The following IMMP2L variants were observed in gnomAD, a reference collection of about 807,000 sequenced individuals.
IMMP2L encodes inner mitochondrial membrane peptidase subunit 2.
IMMP2L carries 18 observed loss-of-function variants against 19.3 expected under a neutral mutation model. The ratio of observed to expected loss-of-function variants is 0.93; its 90% CI spans 0.64 to 1.38. The LOEUF is 1.38. IMMP2L is among the 40% of genes most tolerant of loss of function. The pLI, the probability that IMMP2L is intolerant of heterozygous loss-of-function variation, is 0.00. For synonymous variants in IMMP2L, 76 were observed against 73.0 expected (o/e 1.04, Z -0.21); for missense variants, 233 against 218.2 (o/e 1.07, Z -0.43).
intron 5 of IMMP2L, among the ~76,000 whole-genome samples, chr7:110,745,861 A>G (rs922189152): frequency 1.3e-5 from 2 of 152,204 alleles, no homozygotes; most frequent in African/African-American, 4.8e-5. Context: ...CAAAATAACC[A>G]GCTAGCATCA....
chr7:110,927,189 G>GTC (rs1037281630), intron 4 of IMMP2L, among the ~76,000 whole-genome samples: 23 of 150,220 alleles, frequency 1.5e-4, no homozygotes, highest in Non-Finnish European at 3.1e-4. Context: ...CTGTCTCTTT[G>GTC]TCTCTCTCTC....
chr7:110,680,751 C>T (rs1271324090), intron 5 of IMMP2L, among the ~76,000 whole-genome samples: 1 of 152,144 alleles, frequency 6.6e-6, no homozygotes, highest in African/African-American at 2.4e-5. Flanking sequence ...TTTCTCCACT[C>T]CCAGCAGCTA....
chr7:110,777,612 T>C (rs980552643), intron 5 of IMMP2L, among the ~76,000 whole-genome samples: 5 of 152,018 alleles, frequency 3.3e-5, no homozygotes, highest in African/African-American at 1.2e-4. Flanking sequence ...TTCTAGAATG[T>C]CTTATGTTAT....
At chr7:111,039,545 G>A (rs534134709) in intron 3 of IMMP2L, among the ~76,000 whole-genome samples, 5 of 152,200 alleles carry the variant, frequency 3.3e-5, no homozygotes, top group South Asian at 4.1e-4. Flanking sequence ...TATAGATAGC[G>A]CAATTCAAAA....
At chr7:110,937,275 G>C (rs1816225399) in intron 4 of IMMP2L, among the ~76,000 whole-genome samples, 1 of 152,202 alleles carries the variant, frequency 6.6e-6, no homozygotes, top group Non-Finnish European at 1.5e-5. Flanking sequence ...CATGTGACTA[G>C]AGATAAAGGT....
chr7:111,373,886 G>T (rs1489275898), intron 3 of IMMP2L, among the ~76,000 whole-genome samples: 1 of 151,966 alleles, frequency 6.6e-6, no homozygotes, highest in African/African-American at 2.4e-5. Flanking sequence ...ACTCATATTT[G>T]ACAAGAATGG....
At chr7:110,679,002 A>G (rs1792511624) in intron 5 of IMMP2L, among the ~76,000 whole-genome samples, 1 of 152,120 alleles carries the variant, frequency 6.6e-6, no homozygotes, top group Non-Finnish European at 1.5e-5. Context: ...ATTTCAAAGC[A>G]ATTTTCCTGT....
At chr7:111,096,545 T>A (rs1030822219) in intron 3 of IMMP2L, among the ~76,000 whole-genome samples, 1 of 150,664 alleles carries the variant, frequency 6.6e-6, no homozygotes, top group Non-Finnish European at 1.5e-5. Context: ...ACAACCAACA[T>A]CTATTCTTGG....
chr7:111,175,680 G>C (rs1333705116), intron 3 of IMMP2L, among the ~76,000 whole-genome samples: 1 of 151,608 alleles, frequency 6.6e-6, no homozygotes, highest in Non-Finnish European at 1.5e-5. Context: ...ATTATTCCAA[G>C]AAAACATTGG....
At chr7:111,041,115 G>A (rs2129570904) in intron 3 of IMMP2L, among the ~76,000 whole-genome samples, 1 of 152,062 alleles carries the variant, frequency 6.6e-6, no homozygotes, top group South Asian at 2.1e-4. Context: ...GGGATTAGTG[G>A]CTAATTCTTA....
chr7:111,207,126 A>C (rs977298400), intron 3 of IMMP2L, among the ~76,000 whole-genome samples: 3 of 152,236 alleles, frequency 2.0e-5, no homozygotes, highest in African/African-American at 7.2e-5. Flanking sequence ...TAAAATCAGC[A>C]TTAAGATACT....
intron 3 of IMMP2L, among the ~76,000 whole-genome samples, chr7:111,315,028 A>T (rs1563048999): frequency 6.6e-6 from 1 of 152,286 alleles, no homozygotes; most frequent in Middle Eastern, 3.4e-3. Context: ...TTAAAAGTAT[A>T]CGTGCATATC....
chr7:111,192,734 T>A (rs1179685042), intron 3 of IMMP2L, among the ~76,000 whole-genome samples: 1 of 152,000 alleles, frequency 6.6e-6, no homozygotes, highest in East Asian at 1.9e-4. Context: ...AGAAAGGGGA[T>A]GATTGCCCAA....
chr7:111,452,945 C>A (rs28564577), intron 3 of IMMP2L, among the ~76,000 whole-genome samples: 3,083 of 152,158 alleles, frequency 0.02, 108 homozygotes, highest in African/African-American at 0.07. Flanking sequence ...TCATTTTGTT[C>A]ACTGGCCAAT....
intron 3 of IMMP2L, among the ~76,000 whole-genome samples, chr7:111,258,921 C>T (rs1379089300): frequency 6.6e-6 from 1 of 152,082 alleles, no homozygotes; most frequent in African/African-American, 2.4e-5. Flanking sequence ...CCATGCATAA[C>T]TTTGGCAATT....
chr7:111,505,046 T>TG (rs938665831), intron 2 of IMMP2L, among the ~76,000 whole-genome samples: 1 of 151,846 alleles, frequency 6.6e-6, no homozygotes, highest in African/African-American at 2.4e-5. Context: ...ACCTACAAAA[T>TG]GGGAAAAAAT....
chr7:110,940,491 G>A (rs80080346), intron 4 of IMMP2L, among the ~76,000 whole-genome samples: 2,593 of 152,180 alleles, frequency 0.017, 70 homozygotes, highest in African/African-American at 0.059. Flanking sequence ...CCAACAGAAT[G>A]AAGGATAACT....
chr7:111,009,398 T>C (rs150598811), intron 3 of IMMP2L, among the ~76,000 whole-genome samples: 1,623 of 152,174 alleles, frequency 0.011, 13 homozygotes, highest in Non-Finnish European at 0.015. Context: ...TATTTTAGCT[T>C]TGATCTTAAC....
chr7:111,199,572 T>A (rs187488112), intron 3 of IMMP2L, among the ~76,000 whole-genome samples: 1 of 152,310 alleles, frequency 6.6e-6, no homozygotes, highest in African/African-American at 2.4e-5. Context: ...TGTTAACCTA[T>A]ATAATTTGAT....
Sources: allele counts gnomAD v4.1 joint callset (sites outside exome capture counted in the v4.1 genomes callset), GRCh38; gene constraint gnomAD v4.1.1; transcripts MANE v1.5; gene names NCBI Gene and HGNC (gene_info 2026-07-23, HGNC 2026-07-21).